Variants in RPS6KC1 observed in about 807,000 individuals in gnomAD.
RPS6KC1 encodes the protein ribosomal protein S6 kinase C1.
Under a neutral mutation model 103.8 loss-of-function variants are expected in RPS6KC1, and 54 were observed. The observed-to-expected ratio is 0.52, with a 90% CI of 0.42 to 0.65. The LOEUF is 0.65. Ranked by LOEUF, RPS6KC1 falls within the 30% of genes least tolerant of loss-of-function variation. RPS6KC1 has a pLI of 0.00. For missense variants in RPS6KC1, 1,151 were observed against 1,253.8 expected (o/e 0.92, Z 1.24); for synonymous variants, 439 against 438.7 (o/e 1.00, Z -0.01).
chr1:213,197,112 C>T (rs915227761), intron 8 of RPS6KC1, among the ~76,000 whole-genome samples: 23 of 152,304 alleles, frequency 1.5e-4, no homozygotes, highest in African/African-American at 5.5e-4. Flanking sequence ...GTTGGGATTA[C>T]AGGCATGAGC....
At chr1:213,248,565 T>C (rs1202842424) in intron 12 of RPS6KC1, among the ~76,000 whole-genome samples, 1 of 152,096 alleles carries the variant, frequency 6.6e-6, no homozygotes, top group Non-Finnish European at 1.5e-5. Context: ...TAACGTGAGT[T>C]TAGAGTACAA....
chr1:213,739,192 A>G, the RPS6KC1 span, among the ~76,000 whole-genome samples: 1 of 152,216 alleles, frequency 6.6e-6, no homozygotes, highest in Admixed American at 6.5e-5. Context: ...GACCTCTATG[A>G]TGATCCATTT....
chr1:213,243,148 A>G (rs2094393419), intron 12 of RPS6KC1, among the ~76,000 whole-genome samples: 1 of 152,026 alleles, frequency 6.6e-6, no homozygotes, highest in Non-Finnish European at 1.5e-5. Context: ...TTTGTGCACC[A>G]CCATGCCTGG....
chr1:213,156,051 C>T (rs1261188804), intron 6 of RPS6KC1, among the ~76,000 whole-genome samples: 2 of 152,156 alleles, frequency 1.3e-5, no homozygotes, highest in African/African-American at 4.8e-5. Context: ...GAAAATTAAT[C>T]AATCTAATCC....
chr1:213,088,935 A>G (rs1003603398), intron 3 of RPS6KC1, among the ~76,000 whole-genome samples: 1 of 152,216 alleles, frequency 6.6e-6, no homozygotes, highest in Non-Finnish European at 1.5e-5. Flanking sequence ...GGGACAAGAT[A>G]CAGAGAATCT....
At chr1:213,828,073 GTCAGAATGGA>G in the RPS6KC1 span, among the ~76,000 whole-genome samples, 1,186 of 152,104 alleles carry the variant, frequency 7.8e-3, 47 homozygotes, top group Admixed American at 0.06. Flanking sequence ...ATTCCTTTTT[GTCAGAATGGA>G]TCAGAGTCAT....
chr1:213,105,223 T>TG (rs1041314700), intron 4 of RPS6KC1, among the ~76,000 whole-genome samples: 2 of 151,608 alleles, frequency 1.3e-5, no homozygotes, highest in Non-Finnish European at 2.9e-5. Flanking sequence ...TAAGTTTTTT[T>TG]TTTTTTTTTT....
chr1:213,124,702 A>T (rs1189750303), intron 5 of RPS6KC1, among the ~76,000 whole-genome samples: 1 of 152,150 alleles, frequency 6.6e-6, no homozygotes, highest in African/African-American at 2.4e-5. Context: ...ATCTTCCTCG[A>T]GCTGGCCGGA....
At chr1:213,105,580 A>G (rs556218302) in intron 4 of RPS6KC1, among the ~76,000 whole-genome samples, 217 of 152,278 alleles carry the variant, frequency 1.4e-3, no homozygotes, top group African/African-American at 5.1e-3. Flanking sequence ...TCTACTGAAG[A>G]AAGTTCTTTT....
At chr1:213,652,104 A>G in the RPS6KC1 span, among the ~76,000 whole-genome samples, 1 of 152,368 alleles carries the variant, frequency 6.6e-6, no homozygotes, top group East Asian at 1.9e-4. Context: ...ATGTTAATTT[A>G]TAAGTATCAA....
the RPS6KC1 span, among the ~76,000 whole-genome samples, chr1:213,543,043 A>T: frequency 6.6e-6 from 1 of 152,210 alleles, no homozygotes; most frequent in African/African-American, 2.4e-5. Context: ...GACCTTCAGG[A>T]GAAAGGGACA....
chr1:213,382,375 T>C, the RPS6KC1 span, among the ~76,000 whole-genome samples: 1 of 152,202 alleles, frequency 6.6e-6, no homozygotes, highest in African/African-American at 2.4e-5. Context: ...TTCATTGTCA[T>C]GGGCTTTGGG....
chr1:213,232,005 C>T (rs1272038467), intron 9 of RPS6KC1, 118 bp from the exon 10 acceptor site: 1 of 1,314,274 alleles, frequency 7.6e-7, no homozygotes, highest in African/African-American at 1.5e-5. Context: ...AGTGGTTTCT[C>T]TGAAGCCCAG....
At chr1:213,144,277 T>C (rs941727729) in intron 6 of RPS6KC1, among the ~76,000 whole-genome samples, 1 of 152,048 alleles carries the variant, frequency 6.6e-6, no homozygotes, top group Non-Finnish European at 1.5e-5. Flanking sequence ...TGGAGTTCTT[T>C]AGTTTTTTAT....
chr1:213,165,881 G>A (rs1034908426), intron 6 of RPS6KC1, among the ~76,000 whole-genome samples: 5 of 152,270 alleles, frequency 3.3e-5, no homozygotes, highest in African/African-American at 9.6e-5. Context: ...CATTTAAAAA[G>A]CCTTTCAGTA....
At chr1:213,634,751 G>A in the RPS6KC1 span, among the ~76,000 whole-genome samples, 1 of 150,946 alleles carries the variant, frequency 6.6e-6, no homozygotes, top group African/African-American at 2.4e-5. Context: ...GAAAGAGATA[G>A]AGACACTAAA....
the RPS6KC1 span, among the ~76,000 whole-genome samples, chr1:213,476,425 CAT>C: frequency 6.6e-6 from 1 of 152,216 alleles, no homozygotes; most frequent in Admixed American, 6.5e-5. Flanking sequence ...AGATCTGCTT[CAT>C]GAAACACTCT....
At chr1:213,474,788 T>C in the RPS6KC1 span, among the ~76,000 whole-genome samples, 4 of 152,018 alleles carry the variant, frequency 2.6e-5, no homozygotes, top group African/African-American at 9.7e-5. Flanking sequence ...AGGCAAATAA[T>C]AACAAAGGCT....
intron 5 of RPS6KC1, among the ~76,000 whole-genome samples, chr1:213,119,478 A>G (rs2084124048): frequency 2.3e-5 from 1 of 43,382 alleles, no homozygotes; most frequent in Non-Finnish European, 5.0e-5. Context: ...ATATATATAT[A>G]TATATATATA....
Sources: allele counts gnomAD v4.1 joint callset (sites outside exome capture counted in the v4.1 genomes callset), GRCh38; gene constraint gnomAD v4.1.1; transcripts MANE v1.5; gene names NCBI Gene and HGNC (gene_info 2026-07-23, HGNC 2026-07-21).